The following TRHDE variants were observed in gnomAD, a reference collection of about 807,000 sequenced individuals.
TRHDE encodes thyrotropin releasing hormone degrading enzyme.
TRHDE carries 72 observed loss-of-function variants against 125.7 expected under a neutral mutation model. That is an observed-to-expected ratio of 0.57 (90% CI 0.47 to 0.70). The LOEUF (loss-of-function observed/expected upper bound fraction) is 0.70, where lower values mean the gene tolerates loss of function less well. Ranked by LOEUF, TRHDE falls within the 30% of genes least tolerant of loss-of-function variation. The pLI, the probability that TRHDE is intolerant of heterozygous loss-of-function variation, is 0.00. For synonymous variants in TRHDE, 509 were observed against 509.1 expected (o/e 1.00, Z 0.00); for missense variants, 1,110 against 1,327.1 (o/e 0.84, Z 2.54).
At chr12:72,090,476 A>G (rs950743051) in intron 1 of TRHDE, among the ~76,000 whole-genome samples, 3 of 152,220 alleles carry the variant, frequency 2.0e-5, no homozygotes, top group Admixed American at 6.5e-5. Context: ...CTCCTTTTAT[A>G]TCTTGAATGT....
In TRHDE at chr12:72,473,894, T is replaced by C. The variant is rs532942854; in HGVS notation, c.1584+714T>C. On this transcript the variant is annotated intron_variant, in intron 5 of 18. Coordinates refer to ENST00000261180, the MANE Select transcript of TRHDE (RefSeq NM_013381.3). The stretch of plus-strand genomic sequence containing the variant: ...ATATATGTTGTTCTGAAATTCAAAT[T>C]TAAATTTATTTTAAGTGGTACTATT... Among the ~76,000 whole-genome samples, 749 of 152,198 alleles carry C rather than the reference T, an allele frequency of 4.9e-3. 8 individuals are homozygous for C. Among genetic ancestry groups the C allele is most frequent in the African/African-American group, 0.017 (708 of 41,550 alleles).
chr12:72,259,981 T>C (rs1878910913), intron 2 of TRHDE, among the ~76,000 whole-genome samples: 3 of 152,214 alleles, frequency 2.0e-5, no homozygotes. Flanking sequence ...TTATAGCATG[T>C]GAGTATTTTA....
chr12:72,379,731 A>G (rs905946556), intron 3 of TRHDE, among the ~76,000 whole-genome samples: 6 of 152,218 alleles, frequency 3.9e-5, no homozygotes, highest in African/African-American at 1.4e-4. Context: ...TGAACCACGC[A>G]GCCTTTCATC....
chr12:72,596,834 G>A (rs1454007878), intron 12 of TRHDE, among the ~76,000 whole-genome samples: 1 of 152,132 alleles, frequency 6.6e-6, no homozygotes, highest in East Asian at 1.9e-4. Flanking sequence ...TGTAGAAGAA[G>A]GAGGAAAACA....
chr12:72,214,159 A>AT (rs1051701058), intron 2 of TRHDE, among the ~76,000 whole-genome samples: 16 of 152,096 alleles, frequency 1.1e-4, no homozygotes, highest in African/African-American at 1.9e-4. Flanking sequence ...TCTGGCTAAC[A>AT]TTTTTTAGAG....
At chr12:72,505,050 C>T (rs61926605) in intron 6 of TRHDE, among the ~76,000 whole-genome samples, 1,826 of 151,948 alleles carry the variant, frequency 0.012, 14 homozygotes, top group Non-Finnish European at 0.018. Flanking sequence ...TGTATTATAA[C>T]GGGACAGAAG....
intron 2 of TRHDE, among the ~76,000 whole-genome samples, chr12:72,293,900 T>A (rs182215271): frequency 1.3e-5 from 2 of 151,852 alleles, no homozygotes; most frequent in East Asian, 3.9e-4. Flanking sequence ...CGGTGAGGGG[T>A]GTGTGAGTGA....
At chr12:72,116,910 T>A (rs1339607657) in intron 2 of TRHDE, among the ~76,000 whole-genome samples, 2 of 152,076 alleles carry the variant, frequency 1.3e-5, no homozygotes, top group African/African-American at 4.8e-5. Flanking sequence ...AATGTCTGTT[T>A]GGATATTTTG....
intron 12 of TRHDE, among the ~76,000 whole-genome samples, chr12:72,583,552 T>TA (rs1336607944): frequency 6.6e-6 from 1 of 152,240 alleles, no homozygotes; most frequent in African/African-American, 2.4e-5. Context: ...AAAACACCTC[T>TA]AAATTAGTCA....
At chr12:72,657,099 C>A in intron 18 of TRHDE, 91 bp downstream of exon 18, 2 of 815,982 alleles carry the variant, frequency 2.5e-6, no homozygotes, top group South Asian at 1.5e-5. Flanking sequence ...AACAGATTCA[C>A]ATCCATTCCT....
At chr12:72,508,886 C>A (rs755394746) in intron 6 of TRHDE, among the ~76,000 whole-genome samples, 3 of 152,026 alleles carry the variant, frequency 2.0e-5, no homozygotes, top group Non-Finnish European at 4.4e-5. Context: ...TGTAGCACCT[C>A]CCCCTGCTCT....
At chr12:72,466,937 C>G (rs1302525996) in intron 3 of TRHDE, among the ~76,000 whole-genome samples, 1 of 152,152 alleles carries the variant, frequency 6.6e-6, no homozygotes, top group Admixed American at 6.5e-5. Flanking sequence ...CTCACATATG[C>G]ATGTAAGCAC....
rs373381575 is a variant in TRHDE at position 72,404,054 on chromosome 12, G to A, written c.1315+25933G>A. On this transcript the variant is annotated intron_variant, in intron 3 of 18. Coordinates refer to ENST00000261180, the MANE Select transcript of TRHDE (RefSeq NM_013381.3). ...GTGTGTCTGTGTTTCTATGATATGAGTACTCAGTATGTTGTACTAGTCGTA... is the reference window on the plus strand; with the variant it reads ...GTGTGTCTGTGTTTCTATGATATGAATACTCAGTATGTTGTACTAGTCGTA... 8.5e-5 allele frequency among the ~76,000 whole-genome samples: 13 copies of A among 152,224 alleles called. No homozygotes were observed. In the Middle Eastern group the frequency reaches 0.01, roughly 119 times the overall value.
intron 6 of TRHDE, among the ~76,000 whole-genome samples, chr12:72,502,284 C>G (rs1188695137): frequency 6.6e-6 from 1 of 151,916 alleles, no homozygotes; most frequent in Non-Finnish European, 1.5e-5. Flanking sequence ...CCATTTTAAG[C>G]CTTTATTCAG....
At chr12:72,534,468 T>C (rs140620499) in intron 6 of TRHDE, among the ~76,000 whole-genome samples, 1 of 152,226 alleles carries the variant, frequency 6.6e-6, no homozygotes, top group Non-Finnish European at 1.5e-5. Flanking sequence ...TGCCATTGCC[T>C]GAGAATGCTC....
At chr12:72,517,652 T>G (rs906554761) in intron 6 of TRHDE, among the ~76,000 whole-genome samples, 18 of 152,264 alleles carry the variant, frequency 1.2e-4, no homozygotes, top group African/African-American at 4.3e-4. Flanking sequence ...CCTTCAGTTC[T>G]GCTCTGATTT....
At chr12:72,497,308 T>G (rs1305091863) in intron 5 of TRHDE, among the ~76,000 whole-genome samples, 1 of 152,146 alleles carries the variant, frequency 6.6e-6, no homozygotes, top group Non-Finnish European at 1.5e-5. Flanking sequence ...TACTTTAGAT[T>G]TTATTTTTTA....
intron 2 of TRHDE, among the ~76,000 whole-genome samples, chr12:72,213,562 A>C (rs1279285095): frequency 6.6e-6 from 1 of 152,154 alleles, no homozygotes; most frequent in Non-Finnish European, 1.5e-5. Flanking sequence ...CAGGGATATT[A>C]AATCTTTTTA....
Position 72,618,882 on chromosome 12 carries a change from T to TA in TRHDE, c.2322-7dup. 1 of 1,463,870 alleles carries TA rather than the reference T, an allele frequency of 6.8e-7. No individual in the cohort carries two copies. The highest frequency in any genetic ancestry group is 9.1e-7 in the Non-Finnish European group (1 of 1,101,720). 90.7% of individuals were successfully genotyped at this position (1,463,870 alleles called of 1,614,324 possible). On this transcript the variant is annotated splice_polypyrimidine_tract_variant and intron_variant, in intron 12 of 18. Transcript: ENST00000261180. ...ATCATCATGTATCTTTTTTTTTTTT[T>TA]AACTGTAGGGCTGGCTATTTGCCTC... is the stretch of plus-strand genomic sequence containing the variant.
Sources: gnomAD v4.1 joint callset for allele counts (sites outside exome capture counted in the v4.1 genomes callset) on GRCh38, gnomAD v4.1.1 for gene constraint, MANE v1.5 for transcripts, NCBI Gene and HGNC (gene_info 2026-07-23, HGNC 2026-07-21) for gene names.